The following RYR3 variants were observed in gnomAD, a reference collection of about 807,000 sequenced individuals.
The protein encoded by RYR3 is ryanodine receptor 3, also known as brain ryanodine receptor-calcium release channel.
A neutral mutation model predicts 584.3 loss-of-function variants in RYR3; 207 were observed. The ratio of observed to expected loss-of-function variants is 0.35; its 90% CI spans 0.32 to 0.40. The LOEUF (loss-of-function observed/expected upper bound fraction) is 0.40, where lower values mean the gene tolerates loss of function less well. Among genes scored for constraint, RYR3 ranks in the 10% least tolerant of loss-of-function variants. RYR3 has a pLI of 1.00. For synonymous variants in RYR3, 2,416 were observed against 2,248.5 expected, an observed-to-expected ratio of 1.07 and a Z score of -2.11; for missense variants, 5,616 against 6,089.2, an observed-to-expected ratio of 0.92 and a Z score of 2.59.
chr15:33,826,146 C>G (rs2077367534), intron 82 of RYR3, 106 bp from the exon 83 acceptor site: 2 of 1,076,162 alleles, frequency 1.9e-6, no homozygotes, highest in Middle Eastern at 4.0e-4. Flanking sequence ...ATAAAGCTAT[C>G]ATCTAGGATG....
chr15:33,592,084 C>A (rs1156831880), intron 16 of RYR3, among the ~76,000 whole-genome samples: 1 of 152,080 alleles, frequency 6.6e-6, no homozygotes, highest in Admixed American at 6.6e-5. Context: ...AGAATGAAAA[C>A]CAGAAACAAA....
rs79549962 is a variant in RYR3, at chr15:33,490,347, C to T, written c.172-13284C>T. On this transcript the variant is annotated intron_variant, in intron 2 of 103. Transcript: ENST00000634891. ...AAATTAAGAAACTCTTGACCTAATG[C>T]TCTGTTTCTTCTTGGAGCATTTTCA... 6.6e-4 allele frequency among the ~76,000 whole-genome samples: 101 copies of T among 152,280 alleles called. 1 individual carries two copies. The East Asian group carries it at 0.018, about 27-fold the overall frequency.
chr15:33,490,488 C>G (rs1273577236), intron 2 of RYR3, among the ~76,000 whole-genome samples: 1 of 152,086 alleles, frequency 6.6e-6, no homozygotes, highest in Non-Finnish European at 1.5e-5. Flanking sequence ...GCACTACTGC[C>G]TAATAGTACT....
chr15:33,793,981 TAAATA>T (rs1355041625), intron 67 of RYR3, among the ~76,000 whole-genome samples: 1 of 78,554 alleles, frequency 1.3e-5, no homozygotes, highest in Non-Finnish European at 3.0e-5. Context: ...TATATATAAA[TAAATA>T]TATAAATACA....
chr15:33,450,993 C>G (rs1025503581), intron 1 of RYR3, among the ~76,000 whole-genome samples: 3 of 152,142 alleles, frequency 2.0e-5, no homozygotes, highest in African/African-American at 7.2e-5. Flanking sequence ...AGACTCCTTG[C>G]AGCACCTGAA....
At chr15:33,501,189 A>G (rs2051954565) in intron 2 of RYR3, among the ~76,000 whole-genome samples, 1 of 152,144 alleles carries the variant, frequency 6.6e-6, no homozygotes, top group Admixed American at 6.5e-5. Context: ...GCACCTGGGG[A>G]CTTTCAATAC....
At chr15:33,650,206 G>C (rs1349037943) in intron 31 of RYR3, among the ~76,000 whole-genome samples, 1 of 152,046 alleles carries the variant, frequency 6.6e-6, no homozygotes, top group Non-Finnish European at 1.5e-5. Context: ...GTGAAACCCC[G>C]TCTCTACTAA....
intron 10 of RYR3, among the ~76,000 whole-genome samples, chr15:33,560,531 A>G (rs1396817528): frequency 6.6e-6 from 1 of 152,112 alleles, no homozygotes; most frequent in African/African-American, 2.4e-5. Flanking sequence ...ATAGTTGGAT[A>G]ATATGAATTA....
chr15:33,487,409 T>C (rs938443406), intron 2 of RYR3, among the ~76,000 whole-genome samples: 1 of 152,088 alleles, frequency 6.6e-6, no homozygotes, highest in Non-Finnish European at 1.5e-5. Context: ...CATGAGACTT[T>C]TGGGTTTAAT....
At chr15:33,613,823 A>G (rs2060318565) in intron 19 of RYR3, among the ~76,000 whole-genome samples, 1 of 150,676 alleles carries the variant, frequency 6.6e-6, no homozygotes, top group Non-Finnish European at 1.5e-5. Context: ...TATGAAGTTT[A>G]TGTCTTGATT....
At chr15:33,738,307 G>T in intron 49 of RYR3, 143 bp from the exon 50 acceptor site, 2 of 769,718 alleles carry the variant, frequency 2.6e-6, no homozygotes. Flanking sequence ...TGTTTGAAGG[G>T]CCTCTTTGTA....
rs901274242 is a variant in RYR3, at chr15:33,649,090, C to T, written c.3997C>T (p.Arg1333Cys). The T allele has an allele frequency of 1.9e-6, 3 of 1,613,418 alleles. No individual in the cohort carries two copies. The highest frequency in any genetic ancestry group is 2.5e-6 in the Non-Finnish European group (3 of 1,179,784). ...TCCACAGCAGTGCTACTACGCCATCCGCATCTTTGCTGGACAGGATCCATC... is the reference window on the plus strand; with the variant it reads ...TCCACAGCAGTGCTACTACGCCATCTGCATCTTTGCTGGACAGGATCCATC... ...HTTTQCYYAI[R>C]IFAGQDPSCV... The change falls in exon 31 of 104, where the codon CGC (arginine) becomes TGC (cysteine). Residue 1333 changes from arginine (R) to cysteine (C), a missense_variant. This residue lies in a region of RYR3 where 753 missense variants were observed against 741.0 expected (regional missense o/e 1.02). Coordinates refer to ENST00000634891, the MANE Select transcript of RYR3 (RefSeq NM_001036.6).
intron 65 of RYR3, among the ~76,000 whole-genome samples, 200 bp from the exon 66 acceptor site, chr15:33,785,462 T>TGGGA (rs1373311377): frequency 6.6e-6 from 1 of 152,138 alleles, no homozygotes; most frequent in Admixed American, 6.5e-5. Context: ...ACACGACATC[T>TGGGA]AGGAAGATAA....
intron 91 of RYR3, 142 bp from the exon 92 acceptor site, chr15:33,843,346 G>C: frequency 1.7e-6 from 1 of 597,906 alleles, no homozygotes. Context: ...AAGAATGCCA[G>C]GGTTACCCTA....
At chr15:33,385,166 A>T (rs1415152311) in intron 1 of RYR3, among the ~76,000 whole-genome samples, 1 of 152,232 alleles carries the variant, frequency 6.6e-6, no homozygotes, top group Non-Finnish European at 1.5e-5. Context: ...TGTATACAAC[A>T]TTCACCATTT....
At chr15:33,807,338 G>C (rs749345379) in intron 69 of RYR3, among the ~76,000 whole-genome samples, 1 of 152,042 alleles carries the variant, frequency 6.6e-6, no homozygotes, top group Non-Finnish European at 1.5e-5. Context: ...GTTTGGTCTG[G>C]GTATAAGTCC....
chr15:33,632,646 C>T lies in RYR3; in HGVS notation c.2868-303C>T, dbSNP rs146717861. Among the ~76,000 whole-genome samples the T allele has an allele frequency of 8.3e-3, 1,264 of 152,266 alleles. 13 individuals carry two copies. Among genetic ancestry groups the T allele is most frequent in the Middle Eastern group, 0.027 (8 of 294 alleles). The stretch of plus-strand genomic sequence containing the variant: ...TCTGGTAATGTTGCAGCATGCTGAA[C>T]GTGCCCATTATTTCTAGAGAACAGA... On this transcript the variant is annotated intron_variant, in intron 23 of 103. Transcript: ENST00000634891.
chr15:33,590,542 G>A (rs1219728509), intron 16 of RYR3, among the ~76,000 whole-genome samples: 2 of 151,878 alleles, frequency 1.3e-5, no homozygotes, highest in Non-Finnish European at 2.9e-5. Context: ...ATGAGCATGG[G>A]ATGTTTTTCC....
At chr15:33,791,394 G>A (rs1292467134) in intron 67 of RYR3, among the ~76,000 whole-genome samples, 1 of 151,772 alleles carries the variant, frequency 6.6e-6, no homozygotes, top group Non-Finnish European at 1.5e-5. Context: ...CCCTACATTC[G>A]GAGAGAGAGA....
Sources: gnomAD v4.1 joint callset for allele counts (sites outside exome capture counted in the v4.1 genomes callset) on GRCh38, gnomAD v4.1.1 for gene constraint, gnomAD v4.1.1 regional missense constraint, MANE v1.5 for transcripts, NCBI Gene and HGNC (gene_info 2026-07-23, HGNC 2026-07-21) for gene names.